FCMR: variants seen among roughly 807,000 people sequenced by gnomAD.
FCMR encodes the protein Fc mu receptor, also known as immunoglobulin mu Fc receptor.
In FCMR, 34 loss-of-function variants were observed where a neutral mutation model predicts 41.6. The ratio of observed to expected loss-of-function variants is 0.82; its 90% CI spans 0.62 to 1.09. FCMR has a LOEUF of 1.09. Among genes scored for constraint, FCMR ranks in the 50% least tolerant of loss-of-function variants. The pLI, the probability that FCMR is intolerant of heterozygous loss-of-function variation, is 0.00. For synonymous variants in FCMR, 209 were observed against 211.8 expected (o/e 0.99, Z 0.12); for missense variants, 496 against 512.5 (o/e 0.97, Z 0.31).
At chr1:206,905,927 C>A in intron 7 of FCMR, 1 of 168,084 alleles carries the variant, frequency 5.9e-6, no homozygotes, top group Non-Finnish European at 1.3e-5. Context: ...ACATGTTTTC[C>A]ATCAGTCAAG....
At chr1:206,912,188 A>T (rs1411755711) in intron 3 of FCMR, among the ~76,000 whole-genome samples, 1 of 152,166 alleles carries the variant, frequency 6.6e-6, no homozygotes. Flanking sequence ...TCCCAGGTAG[A>T]AGAGCTTGCC....
At position 206,911,766 on chromosome 1, in the gene FCMR, G is replaced by A; in HGVS notation, c.674C>T (p.Pro225Leu). Residue 225 changes from proline to leucine, a missense_variant, in exon 4 of 8, where the codon CCC becomes CTC. Transcript: ENST00000367091. ...CAGCCTGGTGTGGTGGTTGTAGCTG[G>A]GCGTCTGGGGCTTGAGCAGCCCCTC... ...ALEGLLKPQTPSYNHHTRLHR... is the reference protein window; with the variant it reads ...ALEGLLKPQTLSYNHHTRLHR... 6.2e-7 allele frequency: 1 copy of A among 1,610,754 alleles called. No individual in the cohort carries two copies. The highest frequency in any genetic ancestry group is 8.5e-7 in the Non-Finnish European group (1 of 1,179,124).
At chr1:206,912,606 C>T (rs371689101) in intron 3 of FCMR, among the ~76,000 whole-genome samples, 3 of 152,316 alleles carry the variant, frequency 2.0e-5, no homozygotes, top group Admixed American at 6.5e-5. Flanking sequence ...GAAATGTCTG[C>T]CCAGTCTTGG....
chr1:206,913,797 C>G lies in FCMR; in HGVS notation c.335G>C (p.Arg112Pro). 3 of 1,614,220 alleles carry G rather than the reference C, an allele frequency of 1.9e-6. No homozygotes were observed. The highest frequency in any genetic ancestry group is 2.2e-5 in the East Asian group (1 of 44,888). The change falls in exon 2 of 8, where the codon CGG becomes CCG. Residue 112 changes from arginine (R) to proline (P), a missense_variant. Coordinates refer to ENST00000367091, the MANE Select transcript of FCMR (RefSeq NM_005449.5). The part of the protein sequence containing the change: ...YACGAGMNTD[R>P]GKTQKVTLNV... ...CAGGGTGACTTTCTGGGTCTTTCCC[C>G]GGTCTGTGTTCATGCCCGCTCCGCA...
intron 7 of FCMR, chr1:206,907,820 C>T: frequency 7.1e-7 from 1 of 1,399,374 alleles, no homozygotes; most frequent in East Asian, 2.3e-5. Flanking sequence ...CAACCCTTCC[C>T]GAGGTCCCTA....
chr1:206,920,319 A>G (rs1483119641), intron 1 of FCMR, among the ~76,000 whole-genome samples: 1 of 151,994 alleles, frequency 6.6e-6, no homozygotes, highest in African/African-American at 2.4e-5. Context: ...GCCTGTCACG[A>G]TAGTGCGCAC....
At position 206,914,082 on chromosome 1, in the gene FCMR, A is replaced by G; in HGVS notation, c.50T>C (p.Leu17Pro). 1 of 1,613,504 alleles carries G rather than the reference A, an allele frequency of 6.2e-7. No homozygotes were observed. Residue 17 changes from leucine (L) to proline (P), a missense_variant, in exon 2 of 8, where the codon CTG (leucine) becomes CCG (proline). Physicochemically the swap from Leu to Pro is moderately conservative, Grantham distance 98. Coordinates refer to ENST00000367091, the MANE Select transcript of FCMR (RefSeq NM_005449.5). ...PLYFLPVSGA[L>P]RILPEVKVEG... ...TACCTTTACTTCTGGGAGGATCCTC[A>G]GGGCCCCCGATACTGCAGGGAGAGG... is the stretch of plus-strand genomic sequence containing the variant.
chr1:206,921,936 C>T lies in FCMR; in HGVS notation c.-82G>A, dbSNP rs1022764050. 1 of 1,252,236 alleles carries T rather than the reference C, an allele frequency of 8.0e-7. No homozygotes were observed. The highest frequency in any genetic ancestry group is 1.5e-5 in the African/African-American group (1 of 67,434). The allele number at this position is 1,252,236 out of a possible 1,614,324, so 77.6% of individuals were successfully genotyped here. The stretch of plus-strand genomic sequence containing the variant: ...ACGCTGCTTACTCAGGAACCCTTCA[C>T]AATCTGGAACTGGAAAGAGATTTCT... On this transcript the variant is annotated 5_prime_UTR_variant, in exon 1 of 8. In the 5' UTR this introduces an upstream ATG that the reference lacks. Transcript: ENST00000367091.
At chr1:206,921,972 A>G (rs530019841), upstream of FCMR, 610 of 892,122 alleles carry the variant, frequency 6.8e-4, 3 homozygotes, top group Non-Finnish European at 3.4e-4. Context: ...AGCCCCCACG[A>G]GGAACAAAGC....
intron 1 of FCMR, among the ~76,000 whole-genome samples, chr1:206,916,096 C>T (rs193167011): frequency 2.4e-4 from 36 of 152,140 alleles, no homozygotes; most frequent in Admixed American, 2.3e-3. Flanking sequence ...ATGGACCAGC[C>T]AAAACCACGA....
In FCMR at chr1:206,909,983, G is replaced by T. The variant is rs1312983119; in HGVS notation, c.842-115C>A. 8.1e-7 allele frequency: 1 copy of T among 1,232,344 alleles called. No individual in the cohort carries two copies. Among genetic ancestry groups the T allele is most frequent in the Non-Finnish European group, 1.1e-6 (1 of 941,734 alleles). 76.3% of individuals were successfully genotyped at this position (1,232,344 alleles called of 1,614,324 possible). On this transcript the variant is annotated intron_variant, in intron 5 of 7. Transcript: ENST00000367091. This position sits in a 1 kb window ranked among gnomAD's most constrained non-coding sequence, Gnocchi z 5.0. ...GCTTGGCAGTGTCTGACCTGGAGAT[G>T]CTCCAAGCGTGGGGAATGTACGAGG... is the stretch of plus-strand genomic sequence containing the variant.
chr1:206,912,023 C>T, intron 3 of FCMR, 71 bp from the exon 4 acceptor site: 1 of 1,169,480 alleles, frequency 8.6e-7, no homozygotes, highest in East Asian at 2.5e-5. Flanking sequence ...TAGGTCACCA[C>T]CTCTTTCCAC....
At chr1:206,912,826 G>A in intron 3 of FCMR, 103 bp downstream of exon 3, 2 of 814,464 alleles carry the variant, frequency 2.5e-6, no homozygotes, top group East Asian at 2.5e-5. Context: ...ACTCAGCTCA[G>A]CTCTGCCAGC....
At chr1:206,921,457 T>C (rs1261814982) in intron 1 of FCMR, 3 of 421,508 alleles carry the variant, frequency 7.1e-6, no homozygotes, top group Non-Finnish European at 1.4e-5. Context: ...AAAAATTAGC[T>C]GGGCATGGTG....
At chr1:206,907,107 G>GGGGT (rs1678693229) in intron 7 of FCMR, among the ~76,000 whole-genome samples, 1 of 58,502 alleles carries the variant, frequency 1.7e-5, no homozygotes, top group Non-Finnish European at 5.1e-5. Flanking sequence ...GGGGGGTGGG[G>GGGGT]GGGGGGTGGG....
At chr1:206,905,760 G>A (rs1678610912) in intron 7 of FCMR, among the ~76,000 whole-genome samples, 1 of 152,220 alleles carries the variant, frequency 6.6e-6, no homozygotes, top group Non-Finnish European at 1.5e-5. Flanking sequence ...ACTGAGGAAG[G>A]CCACAAGGGG....
chr1:206,906,269 A>G (rs1474627215), intron 7 of FCMR: 2 of 355,908 alleles, frequency 5.6e-6, no homozygotes. Context: ...ATCAAGATAA[A>G]ATTTCCAGGG....
At chr1:206,918,658 T>A (rs1202998533) in intron 1 of FCMR, among the ~76,000 whole-genome samples, 1 of 150,446 alleles carries the variant, frequency 6.6e-6, no homozygotes, top group Non-Finnish European at 1.5e-5. Context: ...TAAGTGTGTG[T>A]GTGTGTGTGT....
At chr1:206,922,365 C>A (rs556940562), upstream of FCMR, among the ~76,000 whole-genome samples, 40 of 152,336 alleles carry the variant, frequency 2.6e-4, no homozygotes, top group East Asian at 7.5e-3. Flanking sequence ...TAGTCCTTAC[C>A]AGTCACCAGT....
Sources: gnomAD v4.1 joint callset for allele counts (sites outside exome capture counted in the v4.1 genomes callset) on GRCh38, gnomAD v4.1.1 for gene constraint, Gnocchi (gnomAD v3.1) non-coding constraint, MANE v1.5 for transcripts, NCBI Gene and HGNC (gene_info 2026-07-23, HGNC 2026-07-21) for gene names.